SYNE1: variants seen among roughly 807,000 people sequenced by gnomAD.
The protein encoded by SYNE1 is spectrin repeat containing nuclear envelope protein 1, also known as nesprin-1.
SYNE1 carries 616 observed loss-of-function variants against 1,111.0 expected under a neutral mutation model. The ratio of observed to expected loss-of-function variants is 0.55; its 90% confidence interval spans 0.52 to 0.59. The LOEUF (loss-of-function observed/expected upper bound fraction) is 0.59, where lower values mean the gene tolerates loss of function less well. Ranked by LOEUF, SYNE1 falls within the 20% of genes least tolerant of loss-of-function variation. The pLI, the probability that SYNE1 is intolerant of heterozygous loss-of-function variation, is 0.00. For synonymous variants in SYNE1, 3,855 were observed against 3,825.8 expected (o/e 1.01, Z -0.28); for missense variants, 10,006 against 10,417.0 (o/e 0.96, Z 1.72).
At chr6:152,471,093 C>T (rs1040631145) in intron 16 of SYNE1, among the ~76,000 whole-genome samples, 7 of 151,934 alleles carry the variant, frequency 4.6e-5, no homozygotes, top group African/African-American at 1.5e-4. Flanking sequence ...TGTTACTCTT[C>T]CAGGGTGCAC....
Position 152,164,112 on chromosome 6 carries a change from G to C in SYNE1, c.23790+51C>G, listed in dbSNP as rs1347043371. ...ATGCCCACCCCATCATCCTGGCCAG[G>C]AGGACAGATATTCCATGGCTTATTA... On this transcript the variant is annotated intron_variant, in intron 131 of 145. Transcript: ENST00000367255. The C allele has an allele frequency of 3.1e-6, 5 of 1,610,000 alleles. No individual in the cohort carries two copies. The South Asian group carries it at 4.4e-5, about 14-fold the overall frequency.
At chr6:152,246,165 C>T (rs1043386578) in intron 105 of SYNE1, among the ~76,000 whole-genome samples, 1 of 152,118 alleles carries the variant, frequency 6.6e-6, no homozygotes, top group African/African-American at 2.4e-5. Context: ...TTATCATGTT[C>T]CATCCACACA....
intron 127 of SYNE1, among the ~76,000 whole-genome samples, chr6:152,190,057 T>C (rs971441066): frequency 2.0e-5 from 3 of 152,224 alleles, no homozygotes; most frequent in Non-Finnish European, 2.9e-5. Context: ...AAATCCTTTG[T>C]TGTTACTTCA....
At chr6:152,293,845 C>CG in intron 94 of SYNE1, 96 bp from the exon 95 acceptor site, 1 of 1,607,700 alleles carries the variant, frequency 6.2e-7, no homozygotes, top group South Asian at 1.1e-5. Flanking sequence ...TGTGGCCCAA[C>CG]ATAGGGTACT....
chr6:152,373,836 C>T (rs1428641835), intron 58 of SYNE1, among the ~76,000 whole-genome samples: 1 of 152,138 alleles, frequency 6.6e-6, no homozygotes, highest in Non-Finnish European at 1.5e-5. Context: ...GACTCGTTTA[C>T]AAAACAAATG....
chr6:152,625,544 G>A (rs75403180), intron 3 of SYNE1, among the ~76,000 whole-genome samples: 25 of 152,290 alleles, frequency 1.6e-4, no homozygotes, highest in African/African-American at 6.0e-4. Context: ...CCAAAGGCTA[G>A]TGATAAGTAT....
intron 108 of SYNE1, among the ~76,000 whole-genome samples, chr6:152,239,246 A>C (rs529204109): frequency 6.6e-6 from 1 of 152,236 alleles, no homozygotes; most frequent in African/African-American, 2.4e-5. Flanking sequence ...CTCTTAAGTA[A>C]GCTATCAGTC....
intron 3 of SYNE1, among the ~76,000 whole-genome samples, chr6:152,576,682 C>A (rs1166960344): frequency 6.6e-6 from 1 of 152,172 alleles, no homozygotes; most frequent in East Asian, 1.9e-4. Context: ...TAGCCAGATT[C>A]TTGACCTTCC....
chr6:152,419,944 C>T (rs2098228187), intron 39 of SYNE1, among the ~76,000 whole-genome samples: 1 of 152,208 alleles, frequency 6.6e-6, no homozygotes. Flanking sequence ...CTATGAGGCA[C>T]TCTTCATCTT....
At chr6:152,578,044 A>G (rs919487816) in intron 3 of SYNE1, among the ~76,000 whole-genome samples, 10 of 152,138 alleles carry the variant, frequency 6.6e-5, no homozygotes, top group African/African-American at 2.4e-4. Context: ...ATTTCTACTA[A>G]ATATATAAAT....
At chr6:152,179,909 TC>T (rs2067514060) in intron 129 of SYNE1, among the ~76,000 whole-genome samples, 2 of 151,912 alleles carry the variant, frequency 1.3e-5, no homozygotes, top group African/African-American at 4.8e-5. Flanking sequence ...GGTCTTGATC[TC>T]CTGACCTCAT....
intron 3 of SYNE1, among the ~76,000 whole-genome samples, chr6:152,608,026 C>T (rs1274616648): frequency 6.6e-6 from 1 of 151,906 alleles, no homozygotes; most frequent in African/African-American, 2.4e-5. Flanking sequence ...CACACTGGGG[C>T]CTGTTGAGGG....
At chr6:152,159,451 T>G (rs2062000647) in intron 131 of SYNE1, among the ~76,000 whole-genome samples, 1 of 152,214 alleles carries the variant, frequency 6.6e-6, no homozygotes, top group Admixed American at 6.5e-5. Context: ...AATTTAAAAT[T>G]TAATTAAAAA....
At chr6:152,541,812 AG>A (rs2099272252) in intron 3 of SYNE1, among the ~76,000 whole-genome samples, 1 of 150,558 alleles carries the variant, frequency 6.6e-6, no homozygotes, top group Admixed American at 6.6e-5. Context: ...GTATCCTGGG[AG>A]GGGGTGTGGG....
In SYNE1 at chr6:152,224,607, C is replaced by T; in HGVS notation, c.21409G>A (p.Val7137Met). Residue 7137 changes from valine (V) to methionine (M), a missense_variant, in exon 117 of 146, where the codon GTG becomes ATG. This residue lies in a region of SYNE1 where 2,182 missense variants were observed against 2,287.8 expected (regional missense o/e 0.95). Transcript: ENST00000367255. Reference protein sequence around the residue: ...SVLDQWSSHKVAFDKINSYLM... With the variant: ...SVLDQWSSHKMAFDKINSYLM... ...TAACTGTTTATCTTGTCAAAGGCCACTTTGTGACTACTCCATTGGTCAAGC... is the reference window on the plus strand; with the variant it reads ...TAACTGTTTATCTTGTCAAAGGCCATTTTGTGACTACTCCATTGGTCAAGC... 2 of 1,613,940 alleles carry T rather than the reference C, an allele frequency of 1.2e-6. No homozygotes were observed. Among genetic ancestry groups the T allele is most frequent in the East Asian group, 4.5e-5 (2 of 44,848 alleles).
intron 104 of SYNE1, 57 bp downstream of exon 104, chr6:152,254,823 G>A (rs970750014): frequency 6.8e-7 from 1 of 1,475,626 alleles, no homozygotes; most frequent in African/African-American, 1.4e-5. Context: ...ACTCGTGACT[G>A]ACTATTACTG....
At chr6:152,288,405 A>G (rs1156901674) in intron 95 of SYNE1, among the ~76,000 whole-genome samples, 1 of 152,186 alleles carries the variant, frequency 6.6e-6, no homozygotes, top group Non-Finnish European at 1.5e-5. Flanking sequence ...CTACCTCATT[A>G]AATCTCATTG....
Position 152,332,516 on chromosome 6 carries a change from C to T in SYNE1, c.12795-626G>A, listed in dbSNP as rs76022302. Among the ~76,000 whole-genome samples the T allele has an allele frequency of 8.5e-3, 1,288 of 152,286 alleles. 20 individuals carry two copies. The highest frequency in any genetic ancestry group is 0.027 in the African/African-American group (1,105 of 41,564). ...CAACTGAGCAGAATCTATATGGTAA[C>T]AGGATCCTTGGATGTTTTGTGTAAT... On this transcript the variant is annotated intron_variant, in intron 77 of 145. Transcript: ENST00000367255.
At chr6:152,226,464 T>G (rs1298944244) in intron 115 of SYNE1, among the ~76,000 whole-genome samples, 2 of 152,184 alleles carry the variant, frequency 1.3e-5, no homozygotes, top group Admixed American at 1.3e-4. Flanking sequence ...CTGAATTCTA[T>G]GTGATTCTGA....
Sources: allele counts gnomAD v4.1 joint callset (sites outside exome capture counted in the v4.1 genomes callset), GRCh38; gene constraint gnomAD v4.1.1; regional missense constraint gnomAD v4.1.1; transcripts MANE v1.5; gene names NCBI Gene and HGNC (gene_info 2026-07-23, HGNC 2026-07-21).